The following PSMD14 variants were observed in gnomAD, a reference collection of about 807,000 sequenced individuals.
PSMD14 encodes the protein ubiquitin C-terminal hydrolase PSMD14.
A neutral mutation model predicts 41.2 loss-of-function variants in PSMD14; 7 were observed. The ratio of observed to expected loss-of-function variants is 0.17; its 90% confidence interval spans 0.10 to 0.32. PSMD14 has a LOEUF of 0.32. Among genes scored for constraint, PSMD14 ranks in the 10% least tolerant of loss-of-function variants. The pLI is 1.00. For synonymous variants in PSMD14, 114 were observed against 122.3 expected, an observed-to-expected ratio of 0.93 and a Z score of 0.45; for missense variants, 139 against 375.6, an observed-to-expected ratio of 0.37 and a Z score of 5.21.
chr2:161,333,974 T>G (rs1682832350), intron 3 of PSMD14, among the ~76,000 whole-genome samples: 1 of 151,700 alleles, frequency 6.6e-6, no homozygotes, highest in Admixed American at 6.6e-5. Flanking sequence ...GAGGTTGCAG[T>G]GAGCTGAGAT....
In PSMD14 at chr2:161,358,047, T is replaced by G. The variant is rs987306350; in HGVS notation, c.49-9431T>G. Among the ~76,000 whole-genome samples the G allele has an allele frequency of 3.3e-5, 5 of 152,144 alleles. No homozygotes were observed. The East Asian group carries it at 9.6e-4, about 29-fold the overall frequency. ...AAAAGACTTTTTTTCCATTACTTTT[T>G]TTTATAGTGGTAACAGCCTAAGCCA... On this transcript the variant is annotated intron_variant, in intron 3 of 11. Coordinates refer to ENST00000409682, the MANE Select transcript of PSMD14 (RefSeq NM_005805.6).
chr2:161,385,703 A>T, intron 8 of PSMD14, 132 bp downstream of exon 8: 1 of 559,870 alleles, frequency 1.8e-6, no homozygotes. Flanking sequence ...TTTTAAAAGA[A>T]TTGTGGAAAT....
At chr2:161,347,250 A>G (rs1683057668) in intron 3 of PSMD14, among the ~76,000 whole-genome samples, 1 of 152,172 alleles carries the variant, frequency 6.6e-6, no homozygotes, top group South Asian at 2.1e-4. Context: ...TTAGGTGGGA[A>G]TGTAGATTTA....
rs561501468 is a variant in PSMD14, at chr2:161,334,384, A to G, written c.48+15511A>G. On this transcript the variant is annotated intron_variant, in intron 3 of 11. Coordinates refer to ENST00000409682, the MANE Select transcript of PSMD14 (RefSeq NM_005805.6). ...TAATTTTTTTTGACTGCCTGGCCAC[A>G]GTGTCTTTTTTGTTCGCTAAGGTTT... Among the ~76,000 whole-genome samples the G allele has an allele frequency of 2.0e-5, 3 of 152,334 alleles. No homozygotes were observed. In the South Asian group the frequency reaches 6.2e-4, roughly 32 times the overall value.
chr2:161,385,612 T>A, intron 8 of PSMD14, 41 bp downstream of exon 8: 1 of 1,278,304 alleles, frequency 7.8e-7, no homozygotes, highest in Non-Finnish European at 1.1e-6. Flanking sequence ...CTCTTTTAAA[T>A]TTTAAAAGCC....
chr2:161,363,815 T>C (rs1683323294), intron 3 of PSMD14, among the ~76,000 whole-genome samples: 1 of 152,186 alleles, frequency 6.6e-6, no homozygotes, highest in Non-Finnish European at 1.5e-5. Flanking sequence ...CAGGCAGGCT[T>C]TGGGGCTCTG....
At chr2:161,312,728 G>A (rs1442012301) in intron 1 of PSMD14, among the ~76,000 whole-genome samples, 1 of 152,128 alleles carries the variant, frequency 6.6e-6, no homozygotes, top group Non-Finnish European at 1.5e-5. Context: ...TAAAAACTTG[G>A]TTTAGATCCA....
chr2:161,353,908 T>C (rs1683155135), intron 3 of PSMD14, among the ~76,000 whole-genome samples: 1 of 152,238 alleles, frequency 6.6e-6, no homozygotes, highest in African/African-American at 2.4e-5. Flanking sequence ...GAAGATGGGC[T>C]AGTTAATGAA....
intron 10 of PSMD14, among the ~76,000 whole-genome samples, chr2:161,395,747 T>C (rs372571937): frequency 4.6e-5 from 7 of 152,242 alleles, no homozygotes; most frequent in South Asian, 2.1e-4. Context: ...TTATACATTA[T>C]GCAGTGTTAT....
intron 1 of PSMD14, among the ~76,000 whole-genome samples, chr2:161,311,165 C>T (rs756892012): frequency 7.2e-5 from 11 of 152,000 alleles, no homozygotes; most frequent in African/African-American, 2.7e-4. Context: ...AAAAATTAGC[C>T]GGGCATGGGG....
intron 3 of PSMD14, among the ~76,000 whole-genome samples, chr2:161,360,552 G>A (rs1026918467): frequency 3.3e-5 from 5 of 151,632 alleles, no homozygotes; most frequent in South Asian, 2.1e-4. Context: ...ATGGGGTTTC[G>A]CCATGTTGGC....
intron 3 of PSMD14, among the ~76,000 whole-genome samples, chr2:161,361,086 T>C (rs1365750565): frequency 1.3e-5 from 2 of 152,240 alleles, no homozygotes; most frequent in Admixed American, 1.3e-4. Context: ...TTCACCCAGA[T>C]CAAATAGGCA....
intron 2 of PSMD14, among the ~76,000 whole-genome samples, chr2:161,316,968 A>G (rs1689154543): frequency 6.6e-6 from 1 of 152,134 alleles, no homozygotes; most frequent in African/African-American, 2.4e-5. Flanking sequence ...GCTGGGAATC[A>G]GTTTTGGCCT....
intron 3 of PSMD14, among the ~76,000 whole-genome samples, chr2:161,334,182 C>T (rs976827581): frequency 1.3e-5 from 2 of 151,826 alleles, no homozygotes; most frequent in Non-Finnish European, 2.9e-5. Context: ...ACTAAAAATA[C>T]AAAATTAAGT....
At chr2:161,331,258 ATT>A (rs61247163) in intron 3 of PSMD14, among the ~76,000 whole-genome samples, 3 of 143,196 alleles carry the variant, frequency 2.1e-5, no homozygotes, top group Admixed American at 7.0e-5. Context: ...TGTCTTTGGA[ATT>A]TTTTTTTTTT....
At chr2:161,350,853 G>GTA (rs200479688) in intron 3 of PSMD14, among the ~76,000 whole-genome samples, 8,783 of 152,210 alleles carry the variant, frequency 0.058, 368 homozygotes, top group Non-Finnish European at 0.094. Context: ...GGCAAAACCT[G>GTA]CAATCATATT....
At chr2:161,384,623 G>C (rs1181715551) in intron 7 of PSMD14, 1 of 151,652 alleles carries the variant, frequency 6.6e-6, no homozygotes, top group African/African-American at 2.4e-5. Flanking sequence ...CCTTAAAGTG[G>C]CAATCTGTCT....
chr2:161,399,432 A>G (rs915137357), intron 10 of PSMD14, among the ~76,000 whole-genome samples: 2 of 152,126 alleles, frequency 1.3e-5, no homozygotes, highest in Admixed American at 6.5e-5. Flanking sequence ...GAGAATTCCT[A>G]TAAAATATTT....
rs1684023334 is a variant in PSMD14, at chr2:161,411,426, G to A, written c.*26G>A. On this transcript the variant is annotated 3_prime_UTR_variant, in exon 12 of 12. Coordinates refer to ENST00000409682, the MANE Select transcript of PSMD14 (RefSeq NM_005805.6). The stretch of plus-strand genomic sequence containing the variant: ...AGCAACGAAAAACGCTATTAATGAT[G>A]CCTTCAGTGTATATTCCTCTGTTGT... 2 of 1,493,020 alleles carry A rather than the reference G, an allele frequency of 1.3e-6. No individual in the cohort carries two copies. The highest frequency in any genetic ancestry group is 1.4e-5 in the African/African-American group (1 of 72,110). 92.5% of individuals were successfully genotyped at this position (1,493,020 alleles called of 1,614,324 possible). A position where few individuals can be genotyped will look rare whatever the true frequency, so the allele number is the denominator to read the frequency against.
Sources: gnomAD v4.1 joint callset for allele counts (sites outside exome capture counted in the v4.1 genomes callset) on GRCh38, gnomAD v4.1.1 for gene constraint, MANE v1.5 for transcripts, NCBI Gene and HGNC (gene_info 2026-07-23, HGNC 2026-07-21) for gene names.